PPM1H: variants seen among roughly 807,000 people sequenced by gnomAD.
PPM1H encodes the protein protein phosphatase 1H.
Under a neutral mutation model 54.9 loss-of-function variants are expected in PPM1H, and 27 were observed. The observed-to-expected ratio is 0.49, with a 90% CI of 0.36 to 0.68. The LOEUF is 0.68. Ranked by LOEUF, PPM1H falls within the 30% of genes least tolerant of loss-of-function variation. The pLI is 0.00. For synonymous variants in PPM1H, 305 were observed against 270.8 expected (o/e 1.13, Z -1.24); for missense variants, 596 against 667.8 (o/e 0.89, Z 1.19).
At chr12:62,768,591 G>A (rs1297074522) in intron 4 of PPM1H, among the ~76,000 whole-genome samples, 2 of 152,014 alleles carry the variant, frequency 1.3e-5, no homozygotes, top group Non-Finnish European at 2.9e-5. Flanking sequence ...GGAGGTGGAG[G>A]TTGCAGTGAG....
At chr12:62,868,799 A>G (rs1044831641) in intron 1 of PPM1H, among the ~76,000 whole-genome samples, 1 of 152,336 alleles carries the variant, frequency 6.6e-6, no homozygotes, top group African/African-American at 2.4e-5. Flanking sequence ...AACACTACGC[A>G]CAGGGCTGTT....
chr12:62,867,564 A>ATTTTTTTTTTTTTTTTTTTT lies in PPM1H; in HGVS notation c.246-35305_246-35286dup, dbSNP rs34772338. Among the ~76,000 whole-genome samples, 27 of 55,370 alleles carry ATTTTTTTTTTTTTTTTTTTT rather than the reference A, an allele frequency of 4.9e-4. 3 individuals are homozygous for ATTTTTTTTTTTTTTTTTTTT. Among genetic ancestry groups the ATTTTTTTTTTTTTTTTTTTT allele is most frequent in the African/African-American group, 6.4e-4 (10 of 15,612 alleles). The allele number at this position is 55,370 out of a possible 152,430, so 36.3% of individuals were successfully genotyped here. ...TCCTGAAATACATCTTATGAGCACT[A>ATTTTTTTTTTTTTTTTTTTT]TTTTTTTTTTTTTTTTTTTTTTTTT... On this transcript the variant is annotated intron_variant, in intron 1 of 9. Transcript: ENST00000228705.
chr12:62,875,162 A>T (rs529390203), intron 1 of PPM1H, among the ~76,000 whole-genome samples: 3 of 152,338 alleles, frequency 2.0e-5, no homozygotes, highest in Admixed American at 2.0e-4. Context: ...CTTAGAGGAA[A>T]CCATCTTGGG....
Position 62,835,730 on chromosome 12 carries a change from TA to T in PPM1H, c.246-3452del, listed in dbSNP as rs35695836. Among the ~76,000 whole-genome samples, 1,317 of 149,588 alleles carry T rather than the reference TA, an allele frequency of 8.8e-3. 10 individuals carry two copies. Among genetic ancestry groups the T allele is most frequent in the East Asian group, 0.019 (96 of 5,146 alleles). On this transcript the variant is annotated intron_variant, in intron 1 of 9. Coordinates refer to ENST00000228705, the MANE Select transcript of PPM1H (RefSeq NM_020700.2). ...AATATCAATTTAAAGTCACTGTGTT[TA>T]AAAAAAAAATGCCACAACTCTTATC...
intron 2 of PPM1H, among the ~76,000 whole-genome samples, chr12:62,830,547 A>G (rs561020465): frequency 4.6e-4 from 70 of 151,964 alleles, no homozygotes; most frequent in Middle Eastern, 6.8e-3. Context: ...GAGCCACCGC[A>G]CCCAGCCTGT....
chr12:62,689,499 C>G (rs2076071759), intron 8 of PPM1H, among the ~76,000 whole-genome samples, 200 bp downstream of exon 8: 1 of 152,092 alleles, frequency 6.6e-6, no homozygotes, highest in African/African-American at 2.4e-5. Flanking sequence ...GTGCAGCCAT[C>G]TGGGTAAGAG....
chr12:62,709,889 GGAGAA>G (rs897459833), intron 6 of PPM1H, among the ~76,000 whole-genome samples: 71 of 152,150 alleles, frequency 4.7e-4, no homozygotes, highest in African/African-American at 1.7e-3. Context: ...TGACCAACAT[GGAGAA>G]ACCCCATCTC....
At chr12:62,843,306 G>C (rs1431792531) in intron 1 of PPM1H, among the ~76,000 whole-genome samples, 1 of 152,118 alleles carries the variant, frequency 6.6e-6, no homozygotes, top group Admixed American at 6.5e-5. Context: ...AACAGAGGGA[G>C]AATCTGTCTC....
chr12:62,875,450 C>A (rs915192191), intron 1 of PPM1H, among the ~76,000 whole-genome samples: 1 of 151,982 alleles, frequency 6.6e-6, no homozygotes, highest in Non-Finnish European at 1.5e-5. Context: ...AAGAGGATGG[C>A]GAGGAAAGGT....
chr12:62,820,381 G>A (rs1194202861), intron 2 of PPM1H, among the ~76,000 whole-genome samples: 2 of 152,210 alleles, frequency 1.3e-5, no homozygotes, highest in Non-Finnish European at 2.9e-5. Flanking sequence ...CCCTGTCTAT[G>A]AAGAGAGTAG....
At chr12:62,764,389 CA>C (rs1458372364) in intron 4 of PPM1H, among the ~76,000 whole-genome samples, 1 of 152,176 alleles carries the variant, frequency 6.6e-6, no homozygotes, top group Non-Finnish European at 1.5e-5. Context: ...CATCCTGAAG[CA>C]AATCTGTCTC....
intron 1 of PPM1H, among the ~76,000 whole-genome samples, chr12:62,851,523 T>G (rs1327600148): frequency 6.6e-6 from 1 of 151,928 alleles, no homozygotes; most frequent in Non-Finnish European, 1.5e-5. Context: ...GCCAACATGG[T>G]GAAATCCTGT....
At chr12:62,757,031 G>A (rs888027872) in intron 4 of PPM1H, among the ~76,000 whole-genome samples, 3 of 152,108 alleles carry the variant, frequency 2.0e-5, no homozygotes, top group African/African-American at 7.2e-5. Context: ...GGAAAGGGTG[G>A]ATGACCAGAA....
chr12:62,688,083 C>T (rs569991758), intron 8 of PPM1H, among the ~76,000 whole-genome samples: 1 of 152,200 alleles, frequency 6.6e-6, no homozygotes, highest in African/African-American at 2.4e-5. Flanking sequence ...TGACTTATGC[C>T]TTCCTGATTT....
chr12:62,661,418 T>C (rs528138143), intron 9 of PPM1H, among the ~76,000 whole-genome samples: 1 of 152,360 alleles, frequency 6.6e-6, no homozygotes, highest in East Asian at 1.9e-4. Context: ...TTTTATTTTT[T>C]GAGACAGGGT....
At chr12:62,901,439 A>G (rs930761995) in intron 1 of PPM1H, among the ~76,000 whole-genome samples, 7 of 152,242 alleles carry the variant, frequency 4.6e-5, no homozygotes, top group African/African-American at 1.7e-4. Context: ...GAGGCAAGCC[A>G]AAGAGAAATG....
In PPM1H at chr12:62,831,745, G is replaced by A. The variant is rs1260771586; in HGVS notation, c.411+369C>T. ...TGTGTGTGTGAGTGTGTGTGTATACGTATATATATTCGTGTATATATATAT... is the reference window on the plus strand; with the variant it reads ...TGTGTGTGTGAGTGTGTGTGTATACATATATATATTCGTGTATATATATAT... On this transcript the variant is annotated intron_variant, in intron 2 of 9. Transcript: ENST00000228705. 4.7e-5 allele frequency among the ~76,000 whole-genome samples: 7 copies of A among 148,020 alleles called. 1 individual carries two copies. The highest frequency in any genetic ancestry group is 4.0e-4 in the Admixed American group (6 of 14,882).
At chr12:62,765,822 C>G (rs1592587830) in intron 4 of PPM1H, among the ~76,000 whole-genome samples, 1 of 152,152 alleles carries the variant, frequency 6.6e-6, no homozygotes, top group East Asian at 1.9e-4. Context: ...CAGGGCTGTT[C>G]TTGACAGAGG....
At chr12:62,763,352 G>A (rs1348599727) in intron 4 of PPM1H, among the ~76,000 whole-genome samples, 2 of 152,214 alleles carry the variant, frequency 1.3e-5, no homozygotes, top group Non-Finnish European at 2.9e-5. Context: ...ACCATGCTAT[G>A]AAGATCATCA....
Sources: allele counts gnomAD v4.1 joint callset (sites outside exome capture counted in the v4.1 genomes callset), GRCh38; gene constraint gnomAD v4.1.1; transcripts MANE v1.5; gene names NCBI Gene and HGNC (gene_info 2026-07-23, HGNC 2026-07-21).